Variants in ARFGEF2 observed in about 807,000 individuals in gnomAD.
ARFGEF2 encodes the protein brefeldin A-inhibited guanine nucleotide-exchange protein 2.
ARFGEF2 carries 74 observed loss-of-function variants against 219.9 expected under a neutral mutation model. The ratio of observed to expected loss-of-function variants is 0.34; its 90% confidence interval spans 0.28 to 0.41. The LOEUF (loss-of-function observed/expected upper bound fraction) is 0.41. ARFGEF2 is among the 10% of genes least tolerant of loss of function. The probability of loss-of-function intolerance (pLI) is 1.00; values close to 1 mark genes in which losing one functional copy is unlikely to be tolerated. For synonymous variants in ARFGEF2, 733 were observed against 799.2 expected, an observed-to-expected ratio of 0.92 and a Z score of 1.40; for missense variants, 1,743 against 2,218.3, an observed-to-expected ratio of 0.79 and a Z score of 4.30.
chr20:48,986,998 C>A (rs1435097776), intron 16 of ARFGEF2, among the ~76,000 whole-genome samples: 1 of 152,188 alleles, frequency 6.6e-6, no homozygotes, highest in African/African-American at 2.4e-5. Context: ...AGCTACCACA[C>A]CTGATTGAAA....
At chr20:48,929,971 T>C (rs2090903128) in intron 1 of ARFGEF2, among the ~76,000 whole-genome samples, 1 of 152,192 alleles carries the variant, frequency 6.6e-6, no homozygotes, top group East Asian at 1.9e-4. Flanking sequence ...ACCAGGTGTA[T>C]TATTTTGGAA....
intron 3 of ARFGEF2, among the ~76,000 whole-genome samples, chr20:48,943,817 G>A (rs2091008324): frequency 6.6e-6 from 1 of 152,192 alleles, no homozygotes; most frequent in Admixed American, 6.5e-5. Context: ...ATGTTGAAGT[G>A]ATCCACAGCT....
chr20:49,010,457 G>T, intron 27 of ARFGEF2, 53 bp downstream of exon 27: 6 of 1,599,028 alleles, frequency 3.8e-6, no homozygotes, highest in Non-Finnish European at 5.1e-6. Context: ...GTCTAGAAGA[G>T]TGTCACTTGC....
rs774595647 is a variant in ARFGEF2, at chr20:49,013,951, A to T, written c.4170A>T (p.Gln1390His). The change falls in exon 30 of 39, where the codon CAA becomes CAT. Residue 1390 changes from glutamine to histidine, a missense_variant. Transcript: ENST00000371917. ...RIFDNMKLPEQLSEKSEWMTT... is the reference protein window; with the variant it reads ...RIFDNMKLPEHLSEKSEWMTT... Reference sequence around the variant, plus strand: ...TTGACAATATGAAACTCCCTGAGCAACTGTCAGAGGTAGGTGATAACTACA... The same window carrying T: ...TTGACAATATGAAACTCCCTGAGCATCTGTCAGAGGTAGGTGATAACTACA... 1.8e-5 allele frequency: 29 copies of T among 1,613,942 alleles called. No individual in the cohort carries two copies. Among genetic ancestry groups the T allele is most frequent in the Non-Finnish European group, 1.5e-5 (18 of 1,179,960 alleles).
chr20:49,032,128 T>C lies in ARFGEF2; in HGVS notation c.5143T>C (p.Leu1715=), dbSNP rs1386203325. ...HREAWTSLLL[L]LLTKTLKIND... ...GGAGGCCTGGACAAGTCTCTTGTTG[T>C]TACTTCTAACTAAAACCCTCAAAAT... The change falls in exon 38 of 39, where the codon TTA becomes CTA. Residue 1715 remains leucine, a synonymous_variant. Transcript: ENST00000371917. The C allele has an allele frequency of 6.2e-7, 1 of 1,614,032 alleles. No homozygotes were observed. Among genetic ancestry groups the C allele is most frequent in the East Asian group, 2.2e-5 (1 of 44,878 alleles).
intron 1 of ARFGEF2, among the ~76,000 whole-genome samples, chr20:48,935,939 G>GGGT (rs1555806733): frequency 4.6e-5 from 6 of 130,668 alleles, no homozygotes; most frequent in Admixed American, 2.9e-4. Flanking sequence ...CGGCTGGCCG[G>GGGT]GGGGGGGGGC....
intron 1 of ARFGEF2, among the ~76,000 whole-genome samples, chr20:48,923,471 G>A (rs904924585): frequency 6.6e-6 from 1 of 152,142 alleles, no homozygotes; most frequent in African/African-American, 2.4e-5. Flanking sequence ...ATGCAGAGGT[G>A]GTAGTCTAGA....
chr20:49,006,149 C>T (rs551290667), intron 26 of ARFGEF2, among the ~76,000 whole-genome samples: 23 of 152,094 alleles, frequency 1.5e-4, no homozygotes, highest in African/African-American at 4.1e-4. Flanking sequence ...CAAAAGTTAG[C>T]CGGGCGTGGT....
intron 4 of ARFGEF2, among the ~76,000 whole-genome samples, chr20:48,952,073 TTA>T (rs898970871): frequency 4.1e-4 from 62 of 152,158 alleles, no homozygotes; most frequent in African/African-American, 1.4e-3. Flanking sequence ...CGTTGGAGTG[TTA>T]TATGTCATGA....
intron 1 of ARFGEF2, among the ~76,000 whole-genome samples, chr20:48,928,467 G>A (rs575878308): frequency 1.0e-4 from 15 of 144,562 alleles, no homozygotes; most frequent in South Asian, 8.8e-4. Context: ...CAAAGTGCTG[G>A]GATTACAGGC....
intron 28 of ARFGEF2, among the ~76,000 whole-genome samples, chr20:49,012,516 T>TTTC (rs370701636): frequency 2.8e-5 from 4 of 144,338 alleles, no homozygotes; most frequent in Non-Finnish European, 6.2e-5. Flanking sequence ...TTGTTTGTTT[T>TTTC]TTTGATGTGT....
rs764101045 is a variant in ARFGEF2 at position 48,969,130 on chromosome 20, T to C, written c.1060-17T>C. 1.0e-4 allele frequency: 167 copies of C among 1,613,598 alleles called. 1 individual carries two copies. In the South Asian group the frequency reaches 1.7e-3, roughly 17 times the overall value. ...TGGGTGCCACCACACCCAGCTGATGTTTGTTTCTGATCCTAGGAATCGGAT... is the reference window on the plus strand; with the variant it reads ...TGGGTGCCACCACACCCAGCTGATGCTTGTTTCTGATCCTAGGAATCGGAT... On this transcript the variant is annotated splice_polypyrimidine_tract_variant and intron_variant, in intron 8 of 38. Transcript: ENST00000371917.
rs182217821 is a variant in ARFGEF2 at position 48,941,894 on chromosome 20, C to T, written c.183C>T (p.Asn61=). The T allele has an allele frequency of 3.9e-5, 63 of 1,614,248 alleles. No individual in the cohort carries two copies. Among genetic ancestry groups the T allele is most frequent in the Non-Finnish European group, 4.9e-5 (58 of 1,180,044 alleles). ...RLGTAAPPKA[N]FIEADKYFLP... is the part of the protein sequence containing the mutation. ...GCACTGCTGCACCACCAAAGGCAAA[C>T]TTCATTGAAGCTGACAAGTATTTTC... is the stretch of plus-strand genomic sequence containing the variant. Residue 61 remains asparagine (N), a synonymous_variant, in exon 3 of 39, where the codon AAC becomes AAT. Coordinates refer to ENST00000371917, the MANE Select transcript of ARFGEF2 (RefSeq NM_006420.3).
chr20:48,930,830 G>A (rs1329161544), intron 1 of ARFGEF2, among the ~76,000 whole-genome samples: 4 of 152,200 alleles, frequency 2.6e-5, no homozygotes, highest in Admixed American at 1.3e-4. Flanking sequence ...AGAGGGAGAG[G>A]CAGGAGGCCT....
In ARFGEF2 at chr20:48,956,737, G is replaced by A. The variant is rs549525275; in HGVS notation, c.838+2947G>A. ...TGGGACCACAGGCTCACACCACCAC[G>A]TCTGGCTAATTTTGTATTTTTTAGT... is the stretch of plus-strand genomic sequence containing the variant. On this transcript the variant is annotated intron_variant, in intron 6 of 38. Coordinates refer to ENST00000371917, the MANE Select transcript of ARFGEF2 (RefSeq NM_006420.3). 5.3e-5 allele frequency among the ~76,000 whole-genome samples: 8 copies of A among 152,184 alleles called. No individual in the cohort carries two copies. In the South Asian group the frequency reaches 1.7e-3, roughly 32 times the overall value.
In ARFGEF2 at chr20:48,926,715, T is replaced by C. The variant is rs3795087; in HGVS notation, c.121+4705T>C. On this transcript the variant is annotated intron_variant, in intron 1 of 38. Coordinates refer to ENST00000371917, the MANE Select transcript of ARFGEF2 (RefSeq NM_006420.3). ...ATTGATGATATCTCTTCATCAGCAG[T>C]AAACTCCCTCTTATTAATTCTGGAG... 5.6e-4 allele frequency among the ~76,000 whole-genome samples: 86 copies of C among 152,300 alleles called. 2 individuals carry two copies. The East Asian group carries it at 0.016, about 28-fold the overall frequency.
intron 26 of ARFGEF2, among the ~76,000 whole-genome samples, chr20:49,008,707 GTTTT>G (rs796608906): frequency 7.6e-6 from 1 of 132,428 alleles, no homozygotes; most frequent in Non-Finnish European, 1.6e-5. Context: ...TCATGTAAAG[GTTTT>G]TTTTTTTTTT....
In ARFGEF2 at chr20:49,030,466, CA is replaced by C. The variant is rs371546042; in HGVS notation, c.5064-1569del. 1.3e-3 allele frequency among the ~76,000 whole-genome samples: 86 copies of C among 63,782 alleles called. No homozygotes were observed. The Middle Eastern group carries it at 0.052, about 39-fold the overall frequency. 41.8% of individuals were successfully genotyped at this position (63,782 alleles called of 152,430 possible). A position where few individuals can be genotyped will look rare whatever the true frequency, so the allele number is the denominator to read the frequency against. On this transcript the variant is annotated intron_variant, in intron 37 of 38. Coordinates refer to ENST00000371917, the MANE Select transcript of ARFGEF2 (RefSeq NM_006420.3). Reference sequence around the variant, plus strand: ...AGCAATTTTTCTTTTGAAATCTTAGCAAAAAAAAAAAAAACTGGAAGGAAAT... The same window carrying C: ...AGCAATTTTTCTTTTGAAATCTTAGCAAAAAAAAAAAAACTGGAAGGAAAT...
intron 6 of ARFGEF2, among the ~76,000 whole-genome samples, chr20:48,961,749 A>G (rs933169136): frequency 6.6e-6 from 1 of 151,944 alleles, no homozygotes; most frequent in Non-Finnish European, 1.5e-5. Flanking sequence ...CTATAATCCC[A>G]GTTACTCAGG....
Sources: allele counts gnomAD v4.1 joint callset (sites outside exome capture counted in the v4.1 genomes callset), GRCh38; gene constraint gnomAD v4.1.1; transcripts MANE v1.5; gene names NCBI Gene and HGNC (gene_info 2026-07-23, HGNC 2026-07-21).